GNA12: variants seen among roughly 807,000 people sequenced by gnomAD.
GNA12 encodes the protein guanine nucleotide-binding protein subunit alpha-12.
GNA12 carries 9 observed loss-of-function variants against 26.0 expected under a neutral mutation model. That is an observed-to-expected ratio of 0.35 (90% CI 0.21 to 0.60). The LOEUF (loss-of-function observed/expected upper bound fraction) is 0.60, where lower values mean the gene tolerates loss of function less well. Ranked by LOEUF, GNA12 falls within the 20% of genes least tolerant of loss-of-function variation. GNA12 has a pLI of 0.78. For synonymous variants in GNA12, 264 were observed against 219.6 expected (o/e 1.20, Z -1.79); for missense variants, 405 against 525.8 (o/e 0.77, Z 2.25).
At chr7:2,830,160 A>AG (rs1793569548) in intron 1 of GNA12, among the ~76,000 whole-genome samples, 1 of 152,162 alleles carries the variant, frequency 6.6e-6, no homozygotes, top group Non-Finnish European at 1.5e-5. Flanking sequence ...CAGAATGTTT[A>AG]GGGTTGCAAT....
intron 2 of GNA12, among the ~76,000 whole-genome samples, chr7:2,779,991 C>G (rs1792180738): frequency 6.8e-6 from 1 of 146,184 alleles, no homozygotes; most frequent in Non-Finnish European, 1.5e-5. Flanking sequence ...AATAGAACAA[C>G]TGAGGTAGCT....
At position 2,729,394 on chromosome 7, in the gene GNA12, C is replaced by G. The variant is rs1047894913; in HGVS notation, c.*1787G>C. On this transcript the variant is annotated 3_prime_UTR_variant, in exon 4 of 4. Transcript: ENST00000275364. ...TCATCTCCGGTCACATCCGTGAGGT[C>G]TGTGAAGAGCCACAGAAGCAGTACA... 1.3e-5 allele frequency: 2 copies of G among 152,400 alleles called. No homozygotes were observed. The highest frequency in any genetic ancestry group is 1.3e-4 in the Admixed American group (2 of 15,282). The allele number at this position is 152,400 out of a possible 1,614,324, so 9.4% of individuals were successfully genotyped here. A position where few individuals can be genotyped will look rare whatever the true frequency, so the allele number is the denominator to read the frequency against.
intron 2 of GNA12, chr7:2,762,760 C>T (rs1791623951): frequency 1.3e-6 from 2 of 1,550,028 alleles, no homozygotes; most frequent in Admixed American, 2.0e-5. Context: ...GCACCAGGCC[C>T]GTCCTTTCCA....
At chr7:2,740,173 G>C (rs1368552485) in intron 2 of GNA12, among the ~76,000 whole-genome samples, 1 of 151,988 alleles carries the variant, frequency 6.6e-6, no homozygotes, top group Non-Finnish European at 1.5e-5. Context: ...GATCTTTTCT[G>C]GGTTTTCTGG....
chr7:2,738,230 C>A (rs1790308035), intron 2 of GNA12, among the ~76,000 whole-genome samples: 1 of 151,240 alleles, frequency 6.6e-6, no homozygotes, highest in Admixed American at 6.6e-5. Flanking sequence ...GCCTGGCCAA[C>A]ATGGTGAAAC....
chr7:2,733,674 T>A (rs1169295624), intron 2 of GNA12, among the ~76,000 whole-genome samples, 173 bp from the exon 3 acceptor site: 1 of 152,222 alleles, frequency 6.6e-6, no homozygotes, highest in Admixed American at 6.5e-5. Context: ...AAACTACCAT[T>A]AAAGAAAATG....
At chr7:2,802,935 A>G (rs1004872263) in intron 1 of GNA12, among the ~76,000 whole-genome samples, 1 of 152,220 alleles carries the variant, frequency 6.6e-6, no homozygotes, top group African/African-American at 2.4e-5. Flanking sequence ...TTCACAGCGC[A>G]GCCCTGGCCC....
chr7:2,760,718 C>G (rs1312922541), intron 2 of GNA12, among the ~76,000 whole-genome samples: 1 of 152,246 alleles, frequency 6.6e-6, no homozygotes, highest in Non-Finnish European at 1.5e-5. Context: ...GGCAGCTTAT[C>G]CAGAGCTAAG....
At chr7:2,777,668 C>T (rs1156598880) in intron 2 of GNA12, among the ~76,000 whole-genome samples, 2 of 152,104 alleles carry the variant, frequency 1.3e-5, no homozygotes, top group Admixed American at 6.5e-5. Context: ...AGGAAGAGAG[C>T]CCTCACCAGG....
At chr7:2,827,675 G>A (rs886335033) in intron 1 of GNA12, among the ~76,000 whole-genome samples, 3 of 152,148 alleles carry the variant, frequency 2.0e-5, no homozygotes, top group Admixed American at 6.5e-5. Flanking sequence ...ACTTAGAATA[G>A]GGCAGATGGC....
intron 1 of GNA12, among the ~76,000 whole-genome samples, chr7:2,797,150 A>G (rs1179365913): frequency 2.6e-5 from 4 of 152,070 alleles, no homozygotes; most frequent in Non-Finnish European, 4.4e-5. Context: ...GCACTTATCT[A>G]TGTTCCTTTT....
chr7:2,833,602 T>C (rs949046580), intron 1 of GNA12, among the ~76,000 whole-genome samples: 1 of 152,246 alleles, frequency 6.6e-6, no homozygotes, highest in Admixed American at 6.5e-5. Context: ...TCTCTGGACT[T>C]AGTTAGCTGA....
intron 1 of GNA12, among the ~76,000 whole-genome samples, chr7:2,840,533 G>C (rs974092571): frequency 1.6e-4 from 25 of 152,184 alleles, no homozygotes; most frequent in Non-Finnish European, 3.2e-4. Flanking sequence ...CAAATGTCCA[G>C]TACTAAAGGC....
rs1195575975 is a variant in GNA12 at position 2,728,339 on chromosome 7, G to T, written c.*2842C>A. The T allele has an allele frequency of 6.7e-6, 1 of 149,586 alleles. No homozygotes were observed. Among genetic ancestry groups the T allele is most frequent in the African/African-American group, 2.5e-5 (1 of 40,618 alleles). 9.3% of individuals were successfully genotyped at this position (149,586 alleles called of 1,614,324 possible). ...TACAACTAATAATCTTCTTTCAAGA[G>T]TTTTTTTTTTCAATCTTGGAGTTAA... On this transcript the variant is annotated 3_prime_UTR_variant, in exon 4 of 4. Transcript: ENST00000275364.
intron 1 of GNA12, among the ~76,000 whole-genome samples, chr7:2,828,680 G>A (rs1793536811): frequency 1.3e-5 from 2 of 152,202 alleles, no homozygotes. Flanking sequence ...CTGCTCTAGT[G>A]ACTTCAGTTT....
chr7:2,735,312 G>C (rs570652065), intron 2 of GNA12, among the ~76,000 whole-genome samples: 2 of 152,312 alleles, frequency 1.3e-5, no homozygotes, highest in African/African-American at 4.8e-5. Context: ...ACCCTTGCCC[G>C]TTTCTAGGCA....
chr7:2,760,582 G>A (rs1411996786), intron 2 of GNA12: 1 of 152,416 alleles, frequency 6.6e-6, no homozygotes, highest in Non-Finnish European at 1.5e-5. Context: ...GGGCGTCCCT[G>A]ACGAGCACTG....
rs529922584 is a variant in GNA12, at chr7:2,758,627, C to A, written c.526-25126G>T. Among the ~76,000 whole-genome samples, 6 of 152,238 alleles carry A rather than the reference C, an allele frequency of 3.9e-5. No individual in the cohort carries two copies. The East Asian group carries it at 9.7e-4, about 25-fold the overall frequency. On this transcript the variant is annotated intron_variant, in intron 2 of 3. Transcript: ENST00000275364. ...AGCCTTTCAAGGAACCTGGGGGAACCCCTGAAAGGGTCTCGGGGGCCCCCA... is the reference window on the plus strand; with the variant it reads ...AGCCTTTCAAGGAACCTGGGGGAACACCTGAAAGGGTCTCGGGGGCCCCCA...
chr7:2,822,337 C>G (rs1167670579), intron 1 of GNA12, among the ~76,000 whole-genome samples: 1 of 152,232 alleles, frequency 6.6e-6, no homozygotes, highest in Non-Finnish European at 1.5e-5. Flanking sequence ...CATCTGTAGA[C>G]AGTCCAGTAA....
Sources: gnomAD v4.1 joint callset for allele counts (sites outside exome capture counted in the v4.1 genomes callset) on GRCh38, gnomAD v4.1.1 for gene constraint, MANE v1.5 for transcripts, NCBI Gene and HGNC (gene_info 2026-07-23, HGNC 2026-07-21) for gene names.